The following PKIG variants were observed in gnomAD, a reference collection of about 807,000 sequenced individuals.
The protein encoded by PKIG is protein kinase (cAMP-dependent, catalytic) inhibitor gamma.
A neutral mutation model predicts 6.8 loss-of-function variants in PKIG; 1 was observed. The ratio of observed to expected loss-of-function variants is 0.15; its 90% CI spans 0.05 to 0.69. PKIG has a LOEUF of 0.69. Ranked by LOEUF, PKIG falls within the 30% of genes least tolerant of loss-of-function variation. The pLI, the probability that PKIG is intolerant of heterozygous loss-of-function variation, is 0.82. For missense variants in PKIG, 77 were observed against 104.0 expected, an observed-to-expected ratio of 0.74 and a Z score of 1.13; for synonymous variants, 39 against 43.0, an observed-to-expected ratio of 0.91 and a Z score of 0.36.
At chr20:44,543,556 G>A (rs1438259325) in intron 1 of PKIG, among the ~76,000 whole-genome samples, 4 of 152,230 alleles carry the variant, frequency 2.6e-5, no homozygotes, top group South Asian at 2.1e-4. Flanking sequence ...CCTCTGCAAC[G>A]TGTATATGTT....
upstream of PKIG, among the ~76,000 whole-genome samples, chr20:44,581,528 T>G (rs2064948205): frequency 6.6e-6 from 1 of 152,192 alleles, no homozygotes; most frequent in African/African-American, 2.4e-5. Flanking sequence ...AGTAGAGAGA[T>G]GTTCTTTGTC....
intron 2 of PKIG, among the ~76,000 whole-genome samples, chr20:44,605,662 C>G (rs556558412): frequency 2.6e-5 from 4 of 151,944 alleles, no homozygotes; most frequent in African/African-American, 9.7e-5. Context: ...ACCTGTAATC[C>G]CAGCAGTTTG....
At chr20:44,596,168 A>G (rs539804083) in intron 2 of PKIG, among the ~76,000 whole-genome samples, 1 of 152,346 alleles carries the variant, frequency 6.6e-6, no homozygotes, top group African/African-American at 2.4e-5. Flanking sequence ...AATGGCAGAT[A>G]ATGAACAAAT....
upstream of PKIG, among the ~76,000 whole-genome samples, chr20:44,577,777 T>C (rs1197892437): frequency 6.6e-6 from 1 of 152,058 alleles, no homozygotes; most frequent in Non-Finnish European, 1.5e-5. Flanking sequence ...AGAAAGTGGG[T>C]AGTGGTGGCC....
intron 1 of PKIG, among the ~76,000 whole-genome samples, chr20:44,559,894 G>A (rs1397277598): frequency 6.6e-6 from 1 of 152,080 alleles, no homozygotes; most frequent in Non-Finnish European, 1.5e-5. Context: ...CTGGATCAGA[G>A]AGTATGTATA....
At chr20:44,541,358 A>C (rs1370165268) in intron 1 of PKIG, among the ~76,000 whole-genome samples, 1 of 152,050 alleles carries the variant, frequency 6.6e-6, no homozygotes, top group Non-Finnish European at 1.5e-5. Flanking sequence ...GTGCAACCAT[A>C]GTTCATTGCC....
At chr20:44,582,863 T>C (rs2064959976) in intron 1 of PKIG, 132 bp downstream of exon 1, 1 of 152,238 alleles carries the variant, frequency 6.6e-6, no homozygotes. Context: ...TAATGATATA[T>C]GTGAGCTTGC....
intron 1 of PKIG, among the ~76,000 whole-genome samples, chr20:44,555,113 A>G (rs1269964892): frequency 6.6e-6 from 1 of 152,168 alleles, no homozygotes; most frequent in Non-Finnish European, 1.5e-5. Flanking sequence ...TGATGTTGTC[A>G]TTATTATTTT....
At chr20:44,579,000 C>T (rs977731438), upstream of PKIG, among the ~76,000 whole-genome samples, 7 of 152,032 alleles carry the variant, frequency 4.6e-5, no homozygotes, top group Non-Finnish European at 8.8e-5. Context: ...GTGAGACCCC[C>T]GTCTCTACAA....
At chr20:44,536,211 C>T (rs1448518820) in intron 1 of PKIG, among the ~76,000 whole-genome samples, 1 of 152,116 alleles carries the variant, frequency 6.6e-6, no homozygotes, top group Non-Finnish European at 1.5e-5. Flanking sequence ...ATCCATTCAT[C>T]GATGGTCACT....
chr20:44,567,343 A>G (rs943858248), intron 1 of PKIG, among the ~76,000 whole-genome samples: 2 of 152,184 alleles, frequency 1.3e-5, no homozygotes, highest in African/African-American at 4.8e-5. Flanking sequence ...GTCTCACCAA[A>G]GCTCCTTGAA....
At chr20:44,588,684 A>C (rs2065010297) in intron 1 of PKIG, among the ~76,000 whole-genome samples, 2 of 151,688 alleles carry the variant, frequency 1.3e-5, no homozygotes, top group Admixed American at 1.3e-4. Context: ...AGAGTAAAGG[A>C]GGGAGAGGGA....
At chr20:44,604,096 T>C (rs1469147544) in intron 2 of PKIG, among the ~76,000 whole-genome samples, 1 of 152,048 alleles carries the variant, frequency 6.6e-6, no homozygotes, top group East Asian at 1.9e-4. Context: ...AAGGTTGTAG[T>C]AGACTGGATA....
Position 44,618,562 on chromosome 20 carries a change from C to A in PKIG, c.*198C>A. The A allele has an allele frequency of 1.8e-6, 1 of 544,956 alleles. No individual in the cohort carries two copies. The allele number at this position is 544,956 out of a possible 1,614,324, so 33.8% of individuals were successfully genotyped here. On this transcript the variant is annotated 3_prime_UTR_variant, in exon 4 of 4. Coordinates refer to ENST00000372886, the MANE Select transcript of PKIG (RefSeq NM_001281445.2). ...GCCCACACCCACAGGCTTCACATTC[C>A]CACCACCTTCGCACCGTGCCCAGGT...
At chr20:44,581,981 A>G (rs1794644736), upstream of PKIG, among the ~76,000 whole-genome samples, 1 of 152,202 alleles carries the variant, frequency 6.6e-6, no homozygotes, top group African/African-American at 2.4e-5. Flanking sequence ...GACTTGCTTG[A>G]GGTCATTCAT....
chr20:44,539,273 G>C (rs1013342737), intron 1 of PKIG, among the ~76,000 whole-genome samples: 1 of 152,042 alleles, frequency 6.6e-6, no homozygotes, highest in Non-Finnish European at 1.5e-5. Flanking sequence ...CAGTTGGTCT[G>C]TGTTCACTGG....
intron 2 of PKIG, among the ~76,000 whole-genome samples, chr20:44,602,950 A>G (rs2065134403): frequency 6.6e-6 from 1 of 152,144 alleles, no homozygotes; most frequent in Admixed American, 6.5e-5. Context: ...GGGTCACCCT[A>G]TTGCGCGGGT....
chr20:44,565,525 C>A (rs746838713), intron 1 of PKIG, among the ~76,000 whole-genome samples: 2 of 152,214 alleles, frequency 1.3e-5, no homozygotes, highest in East Asian at 1.9e-4. Flanking sequence ...AGAGAAAACA[C>A]CACTGCTGCC....
intron 1 of PKIG, among the ~76,000 whole-genome samples, chr20:44,567,777 C>T (rs752483162): frequency 6.6e-6 from 1 of 152,220 alleles, no homozygotes; most frequent in African/African-American, 2.4e-5. Context: ...TGAGACTGTT[C>T]CCGGCTGACA....
Sources: gnomAD v4.1 joint callset for allele counts (sites outside exome capture counted in the v4.1 genomes callset) on GRCh38, gnomAD v4.1.1 for gene constraint, MANE v1.5 for transcripts, NCBI Gene and HGNC (gene_info 2026-07-23, HGNC 2026-07-21) for gene names.